The following CCDC7 variants were observed in gnomAD, a reference collection of about 807,000 sequenced individuals.
CCDC7 encodes coiled-coil domain containing 7, also known as coiled-coil domain-containing protein 7.
A neutral mutation model predicts 196.9 loss-of-function variants in CCDC7; 183 were observed. The observed-to-expected ratio is 0.93, with a 90% CI of 0.82 to 1.05. CCDC7 has a LOEUF of 1.05. Among genes scored for constraint, CCDC7 ranks in the 50% least tolerant of loss-of-function variants. The pLI is 0.00. For missense variants in CCDC7, 1,540 were observed against 1,482.2 expected, an observed-to-expected ratio of 1.04 and a Z score of -0.64; for synonymous variants, 525 against 484.6, an observed-to-expected ratio of 1.08 and a Z score of -1.10.
chr10:32,510,109 T>C (rs940722598), intron 9 of CCDC7, among the ~76,000 whole-genome samples: 2 of 152,176 alleles, frequency 1.3e-5, no homozygotes, highest in African/African-American at 2.4e-5. Flanking sequence ...AGCCAAAATA[T>C]GGAAACAACT....
At chr10:32,672,953 C>T (rs1258666699) in intron 21 of CCDC7, among the ~76,000 whole-genome samples, 1 of 152,076 alleles carries the variant, frequency 6.6e-6, no homozygotes, top group Non-Finnish European at 1.5e-5. Context: ...ATTTTTTAAA[C>T]CACTTTACTA....
chr10:32,699,819 T>C lies in CCDC7; in HGVS notation c.2458+4827T>C. Among the ~76,000 whole-genome samples the C allele has an allele frequency of 1.3e-5, 2 of 149,660 alleles. 1 individual carries two copies. Among genetic ancestry groups the C allele is most frequent in the Non-Finnish European group, 2.9e-5 (2 of 68,030 alleles). The stretch of plus-strand genomic sequence containing the variant: ...CTGATGGCCAGTGATGATGAGCATT[T>C]TTTCATCTGTCTGTTGACTGCATAA... On this transcript the variant is annotated intron_variant, in intron 24 of 41. Coordinates refer to ENST00000639629, the Ensembl canonical transcript of CCDC7.
At chr10:32,550,595 C>G (rs1479551120) in intron 13 of CCDC7, among the ~76,000 whole-genome samples, 2 of 151,646 alleles carry the variant, frequency 1.3e-5, no homozygotes, top group Non-Finnish European at 3.0e-5. Context: ...TGCCGTTTTG[C>G]TGAGAGTTTT....
downstream of CCDC7, among the ~76,000 whole-genome samples, chr10:32,881,297 T>C (rs998961097): frequency 2.6e-5 from 4 of 152,158 alleles, no homozygotes; most frequent in Middle Eastern, 3.2e-3. Flanking sequence ...CAGTGTGTTG[T>C]GTTCTTATCT....
At chr10:32,586,484 C>T (rs893480944) in intron 18 of CCDC7, among the ~76,000 whole-genome samples, 1 of 152,136 alleles carries the variant, frequency 6.6e-6, no homozygotes, top group Non-Finnish European at 1.5e-5. Flanking sequence ...CCTAGGTTTT[C>T]TTCTAGGGAT....
intron 31 of CCDC7, among the ~76,000 whole-genome samples, chr10:32,816,966 A>G (rs1319234199): frequency 1.3e-5 from 2 of 152,258 alleles, no homozygotes; most frequent in Admixed American, 1.3e-4. Context: ...CTCACAAGCA[A>G]CGGAACAAAG....
chr10:32,659,709 C>T (rs538547737), intron 20 of CCDC7, among the ~76,000 whole-genome samples: 46 of 151,916 alleles, frequency 3.0e-4, no homozygotes, highest in African/African-American at 9.9e-4. Context: ...TACATGTGGC[C>T]GACAATCATA....
rs2035989134 is a variant in CCDC7 at position 32,462,719 on chromosome 10, T to C, written c.477+16T>C. ...TCTTTTTAAGGTACGTTCAATATAT[T>C]ACAGCTTAAGCCTACTAAAACTTAA... On this transcript the variant is annotated intron_variant, in intron 4 of 41. Coordinates refer to ENST00000639629, the Ensembl canonical transcript of CCDC7. The C allele has an allele frequency of 6.8e-7, 1 of 1,463,180 alleles. No individual in the cohort carries two copies. 90.6% of individuals were successfully genotyped at this position (1,463,180 alleles called of 1,614,324 possible).
chr10:32,779,124 C>T, intron 29 of CCDC7, 40 bp downstream of exon 30: 1 of 1,377,028 alleles, frequency 7.3e-7, no homozygotes, highest in Non-Finnish European at 1.0e-6. Context: ...AGAACACAAT[C>T]TAAGAATTAA....
intron 29 of CCDC7, 75 bp from the exon 31 acceptor site, chr10:32,804,940 C>T: frequency 1.2e-6 from 1 of 857,596 alleles, no homozygotes; most frequent in Non-Finnish European, 1.9e-6. Flanking sequence ...TACACACACA[C>T]ACACACACAC....
Position 32,763,790 on chromosome 10 carries a change from A to G in CCDC7, c.2906-15187A>G, listed in dbSNP as rs914735550. Among the ~76,000 whole-genome samples the G allele has an allele frequency of 2.0e-5, 3 of 151,852 alleles. No individual in the cohort carries two copies. The South Asian group carries it at 6.2e-4, about 32-fold the overall frequency. On this transcript the variant is annotated intron_variant, in intron 28 of 41. Coordinates refer to ENST00000639629, the Ensembl canonical transcript of CCDC7. ...AAAAAGTCATATTCATAGAAGTGGA[A>G]GGTAAAATGGTGGTTACCTGAGGCT...
intron 20 of CCDC7, among the ~76,000 whole-genome samples, chr10:32,639,546 C>T (rs540724859): frequency 4.0e-5 from 6 of 151,336 alleles, no homozygotes; most frequent in Admixed American, 3.3e-4. Flanking sequence ...TGTAGTTGAG[C>T]GGTTTTGAGT....
At chr10:32,737,013 G>C (rs538682264) in intron 28 of CCDC7, among the ~76,000 whole-genome samples, 4 of 152,152 alleles carry the variant, frequency 2.6e-5, no homozygotes, top group African/African-American at 7.2e-5. Flanking sequence ...TATTCTTTAT[G>C]AAATTGAGGA....
chr10:32,518,331 T>C (rs1204528892), intron 10 of CCDC7, 85 bp from the exon 12 acceptor site: 1 of 1,367,010 alleles, frequency 7.3e-7, no homozygotes, highest in African/African-American at 1.5e-5. Context: ...ATGAAGACTT[T>C]CTTACCTTAA....
chr10:32,841,816 G>A (rs570997151), intron 33 of CCDC7, among the ~76,000 whole-genome samples: 8 of 151,834 alleles, frequency 5.3e-5, no homozygotes, highest in Non-Finnish European at 1.2e-4. Context: ...ACTTACAGCC[G>A]ACAGATCTTC....
intron 28 of CCDC7, among the ~76,000 whole-genome samples, chr10:32,764,400 TGAAAA>T (rs2077942872): frequency 2.0e-5 from 3 of 151,822 alleles, no homozygotes; most frequent in East Asian, 3.9e-4. Context: ...AGGATGAAGA[TGAAAA>T]GAACAAAGTT....
At chr10:32,697,953 A>G (rs748562572) in intron 24 of CCDC7, among the ~76,000 whole-genome samples, 5 of 152,178 alleles carry the variant, frequency 3.3e-5, no homozygotes, top group Admixed American at 2.0e-4. Flanking sequence ...AACAGCTGGC[A>G]GCCCCTTTGA....
chr10:32,847,071 G>C (rs1251586942), intron 37 of CCDC7, among the ~76,000 whole-genome samples: 1 of 152,132 alleles, frequency 6.6e-6, no homozygotes, highest in South Asian at 2.1e-4. Flanking sequence ...AGACACATTC[G>C]AAGCCGGCCC....
chr10:32,581,422 T>C (rs2058719489), intron 16 of CCDC7, among the ~76,000 whole-genome samples: 1 of 152,026 alleles, frequency 6.6e-6, no homozygotes, highest in South Asian at 2.1e-4. Flanking sequence ...TCCTCCTCCT[T>C]CAACTCCTCC....
Sources: gnomAD v4.1 joint callset for allele counts (sites outside exome capture counted in the v4.1 genomes callset) on GRCh38, gnomAD v4.1.1 for gene constraint, MANE v1.5 for transcripts, NCBI Gene and HGNC (gene_info 2026-07-23, HGNC 2026-07-21) for gene names.